The following FBRS variants were observed in gnomAD, a reference collection of about 807,000 sequenced individuals.
FBRS encodes the protein fibrosin, also known as probable fibrosin-1.
Under a neutral mutation model 86.1 loss-of-function variants are expected in FBRS, and 15 were observed. The observed-to-expected ratio is 0.17, with a 90% CI of 0.12 to 0.27. The LOEUF is 0.27. FBRS is among the 10% of genes least tolerant of loss of function. FBRS has a pLI of 1.00. For synonymous variants in FBRS, 666 were observed against 575.8 expected, an observed-to-expected ratio of 1.16 and a Z score of -2.24; for missense variants, 1,367 against 1,301.6, an observed-to-expected ratio of 1.05 and a Z score of -0.77.
Position 30,664,031 on chromosome 16 carries a change from G to T in FBRS, c.1056-184G>T, listed in dbSNP as rs563497798. Among the ~76,000 whole-genome samples the T allele has an allele frequency of 1.3e-4, 20 of 152,290 alleles. No homozygotes were observed. The East Asian group carries it at 3.9e-3, about 29-fold the overall frequency. On this transcript the variant is annotated intron_variant, in intron 6 of 17. Coordinates refer to ENST00000356166, the MANE Select transcript of FBRS (RefSeq NM_001105079.3). ...ACCTAGACAGGGAGAAATAGGGGTT[G>T]CTGGGTGTGGGAGGCGCCTCAGTCT... is the stretch of plus-strand genomic sequence containing the variant.
Position 30,669,166 on chromosome 16 carries a change from C to T in FBRS, c.2464C>T (p.Arg822Trp), listed in dbSNP as rs1249010859. The change falls in exon 18 of 18, where the codon CGG becomes TGG. Residue 822 changes from arginine (R) to tryptophan (W), a missense_variant. Arg to Trp is a moderately radical substitution (Grantham distance 101). Transcript: ENST00000356166. The surrounding 1 kb of genome is among the most constrained non-coding windows in gnomAD (Gnocchi z 5.9). ...GCCTCGGCCAACCAAGGAATCTGTG[C>T]GGGTAAAGGAAGAGCGGAAGGAGGA... ...EGPRPTKESV[R>W]VKEERKEEAA... 3 of 1,556,868 alleles carry T rather than the reference C, an allele frequency of 1.9e-6. No homozygotes were observed. The highest frequency in any genetic ancestry group is 1.9e-5 in the Admixed American group (1 of 51,558).
chr16:30,662,507 A>G (rs2052473313), intron 5 of FBRS, 39 bp downstream of exon 5: 3 of 1,550,448 alleles, frequency 1.9e-6, no homozygotes, highest in South Asian at 2.4e-5. Context: ...ACGGGAGGGC[A>G]GTGGGGTGAG....
Position 30,669,189 on chromosome 16 carries a change from G to A in FBRS, c.2487G>A (p.Glu829=). The A allele has an allele frequency of 5.2e-6, 8 of 1,549,810 alleles. No homozygotes were observed. The highest frequency in any genetic ancestry group is 7.0e-6 in the Non-Finnish European group (8 of 1,146,866). Residue 829 remains glutamate (E), a synonymous_variant, in exon 18 of 18, where the codon GAG becomes GAA. Coordinates refer to ENST00000356166, the MANE Select transcript of FBRS (RefSeq NM_001105079.3). The surrounding 1 kb of genome is among the most constrained non-coding windows in gnomAD (Gnocchi z 5.9). ...TGCGGGTAAAGGAAGAGCGGAAGGA[G>A]GAGGCTGCCGCCGCCGCTGCCGCTG... ...ESVRVKEERK[E]EAAAAAAAAA...
intron 12 of FBRS, 48 bp from the exon 13 acceptor site, chr16:30,666,871 A>G (rs1431528985): frequency 6.3e-7 from 1 of 1,581,144 alleles, no homozygotes; most frequent in South Asian, 1.1e-5. Flanking sequence ...ATGATGAGTG[A>G]ACGTTCTTTC....
At chr16:30,660,030 A>G in intron 1 of FBRS, 53 bp downstream of exon 1, 1 of 1,530,208 alleles carries the variant, frequency 6.5e-7, no homozygotes, top group South Asian at 1.2e-5. Flanking sequence ...GGCAGCAAGG[A>G]GGGGGCAGTG....
chr16:30,669,231 T>TGCCGCCGCC lies in FBRS; in HGVS notation c.2532_2540dup (p.Ala847_Ala849dup), dbSNP rs771062025. 8 of 1,545,646 alleles carry TGCCGCCGCC rather than the reference T, an allele frequency of 5.2e-6. No homozygotes were observed. Among genetic ancestry groups the TGCCGCCGCC allele is most frequent in the African/African-American group, 2.8e-5 (2 of 72,722 alleles). On this transcript the variant is annotated inframe_insertion, in exon 18 of 18. Transcript: ENST00000356166. This position sits in a 1 kb window ranked among gnomAD's most constrained non-coding sequence, Gnocchi z 5.9. Reference sequence around the variant, plus strand: ...CTGCCGCTGCTGCTGCCGCCGCCGCTGCCGCCGCCGCAGCAGCCACTGGGC... The same window carrying TGCCGCCGCC: ...CTGCCGCTGCTGCTGCCGCCGCCGCTGCCGCCGCCGCCGCCGCCGCAGCAGCCACTGGGC...
chr16:30,662,827 A>T lies in FBRS; in HGVS notation c.1023A>T (p.Pro341=). Residue 341 remains proline, a synonymous_variant, in exon 6 of 18, where the codon CCA becomes CCT. Transcript: ENST00000356166. ...CACCCTTCGGCCTCCGCACTTCTCCATATGGCAGCAGCCTGGACCTCAGCA... is the reference window on the plus strand; with the variant it reads ...CACCCTTCGGCCTCCGCACTTCTCCTTATGGCAGCAGCCTGGACCTCAGCA... ...RVSPFGLRTS[P]YGSSLDLSTG... The T allele has an allele frequency of 6.8e-7, 1 of 1,463,242 alleles. No homozygotes were observed. The highest frequency in any genetic ancestry group is 9.1e-7 in the Non-Finnish European group (1 of 1,102,556). The allele number at this position is 1,463,242 out of a possible 1,614,324, so 90.6% of individuals were successfully genotyped here. A position where few individuals can be genotyped will look rare whatever the true frequency, so the allele number is the denominator to read the frequency against.
intron 2 of FBRS, 49 bp from the exon 3 acceptor site, chr16:30,661,131 G>A: frequency 1.3e-6 from 2 of 1,549,646 alleles, no homozygotes; most frequent in Non-Finnish European, 1.7e-6. Context: ...GACTTTCCCA[G>A]CTGCCTCAGC....
Position 30,662,767 on chromosome 16 carries a change from A to G in FBRS, c.963A>G (p.Pro321=). The change falls in exon 6 of 18, where the codon CCA becomes CCG. Residue 321 remains proline (P), a synonymous_variant. Transcript: ENST00000356166. The stretch of plus-strand genomic sequence containing the variant: ...CCCTGCCGGCCACTCCCAGTCTGCC[A>G]CCCCCACCCCAGCCCCAGCTGCAGC... ...PAPLPATPSL[P]PPPQPQLQLR... 1 of 1,510,692 alleles carries G rather than the reference A, an allele frequency of 6.6e-7. No homozygotes were observed. The highest frequency in any genetic ancestry group is 8.9e-7 in the Non-Finnish European group (1 of 1,124,138). 93.6% of individuals were successfully genotyped at this position (1,510,692 alleles called of 1,614,324 possible). A position where few individuals can be genotyped will look rare whatever the true frequency, so the allele number is the denominator to read the frequency against.
At chr16:30,660,641 CTG>C in intron 2 of FBRS, 199 bp downstream of exon 2, 1 of 849,950 alleles carries the variant, frequency 1.2e-6, no homozygotes, top group South Asian at 5.0e-5. Context: ...TTGCCTGGTT[CTG>C]TGTCTACTTC....
At chr16:30,666,637 C>T (rs374938573) in intron 12 of FBRS, 96 bp downstream of exon 12, 1 of 1,580,200 alleles carries the variant, frequency 6.3e-7, no homozygotes, top group Non-Finnish European at 8.7e-7. Context: ...GTGAGAAGCC[C>T]AGAACATGGA....
In FBRS at chr16:30,669,198, CGCCGCCGCT is replaced by C. The variant is rs1939473469; in HGVS notation, c.2502_2510del (p.Ala847_Ala849del). 4 of 1,545,524 alleles carry C rather than the reference CGCCGCCGCT, an allele frequency of 2.6e-6. No individual in the cohort carries two copies. Among genetic ancestry groups the C allele is most frequent in the Non-Finnish European group, 3.5e-6 (4 of 1,144,198 alleles). On this transcript the variant is annotated inframe_deletion, in exon 18 of 18. Coordinates refer to ENST00000356166, the MANE Select transcript of FBRS (RefSeq NM_001105079.3). This position sits in a 1 kb window ranked among gnomAD's most constrained non-coding sequence, Gnocchi z 5.9. ...AGGAAGAGCGGAAGGAGGAGGCTGC[CGCCGCCGCT>C]GCCGCTGCTGCTGCCGCCGCCGCTG...
intron 8 of FBRS, 48 bp downstream of exon 8, chr16:30,664,968 G>A (rs1485963332): frequency 6.2e-7 from 1 of 1,609,390 alleles, no homozygotes; most frequent in African/African-American, 1.3e-5. Context: ...CCTCTGGGGA[G>A]GGCATGGCTT....
intron 15 of FBRS, chr16:30,667,939 G>A (rs1002989216): frequency 3.0e-6 from 1 of 332,810 alleles, no homozygotes; most frequent in Non-Finnish European, 5.4e-6. Flanking sequence ...TGACTCCTAG[G>A]ATCTTGGCAG....
At position 30,668,781 on chromosome 16, in the gene FBRS, C is replaced by T; in HGVS notation, c.2168C>T (p.Ala723Val). 6.2e-7 allele frequency: 1 copy of T among 1,600,074 alleles called. No homozygotes were observed. Among genetic ancestry groups the T allele is most frequent in the Middle Eastern group, 1.7e-4 (1 of 6,044 alleles). Reference sequence around the variant, plus strand: ...TTCACCCTCTGCCCAGACTCCGGCGCCGTCTTTGCCCAGAAAGAAAGCCCA... The same window carrying T: ...TTCACCCTCTGCCCAGACTCCGGCGTCGTCTTTGCCCAGAAAGAAAGCCCA... ...GLGSPTFNSGAVFAQKESPGA... is the reference protein window; with the variant it reads ...GLGSPTFNSGVVFAQKESPGA... The change falls in exon 17 of 18, where the codon GCC (alanine) becomes GTC (valine). Residue 723 changes from alanine to valine, a missense_variant. Coordinates refer to ENST00000356166, the MANE Select transcript of FBRS (RefSeq NM_001105079.3).
At position 30,670,306 on chromosome 16, in the gene FBRS, CAG is replaced by C. The variant is rs1420020137; in HGVS notation, c.*662_*663del. ...GGTGGGGCCAGCAGGAGATGACCAA[CAG>C]GGGGCAGGACCTGGGGACCTGGGCT... On this transcript the variant is annotated 3_prime_UTR_variant, in exon 18 of 18. Transcript: ENST00000356166. The C allele has an allele frequency of 2.6e-5, 11 of 425,608 alleles. No homozygotes were observed. The highest frequency in any genetic ancestry group is 5.2e-5 in the Admixed American group (2 of 38,116). 26.4% of individuals were successfully genotyped at this position (425,608 alleles called of 1,614,324 possible).
At chr16:30,667,129 C>A in intron 13 of FBRS, 139 bp downstream of exon 13, 3 of 1,014,340 alleles carry the variant, frequency 3.0e-6, no homozygotes. Context: ...CTGAACAGTT[C>A]TATGGCTGGC....
rs1357587643 is a variant in FBRS, at chr16:30,670,735, G to C, written c.*1090G>C. 1 of 155,142 alleles carries C rather than the reference G, an allele frequency of 6.4e-6. No homozygotes were observed. The highest frequency in any genetic ancestry group is 1.4e-5 in the Non-Finnish European group (1 of 68,996). 9.6% of individuals were successfully genotyped at this position (155,142 alleles called of 1,614,324 possible). A position where few individuals can be genotyped will look rare whatever the true frequency, so the allele number is the denominator to read the frequency against. The stretch of plus-strand genomic sequence containing the variant: ...GTCAATCTAACAAAACCCTAACGTT[G>C]ACTTTTTTCCCTGGTGGGGCTTCTT... On this transcript the variant is annotated 3_prime_UTR_variant, in exon 18 of 18. Coordinates refer to ENST00000356166, the MANE Select transcript of FBRS (RefSeq NM_001105079.3).
rs866498694 is a variant in FBRS at position 30,662,982 on chromosome 16, A to G, written c.1055+123A>G. On this transcript the variant is annotated intron_variant, in intron 6 of 17. Transcript: ENST00000356166. ...ATTCTGAGACTGAAAAGTTTGAGAA[A>G]AACAAATGGAAAGAGATGACTGCAG... 12 of 1,324,536 alleles carry G rather than the reference A, an allele frequency of 9.1e-6. 1 individual carries two copies. The highest frequency in any genetic ancestry group is 4.0e-4 in the Middle Eastern group (2 of 4,980). The allele number at this position is 1,324,536 out of a possible 1,614,324, so 82.0% of individuals were successfully genotyped here.
Sources: allele counts gnomAD v4.1 joint callset (sites outside exome capture counted in the v4.1 genomes callset), GRCh38; gene constraint gnomAD v4.1.1; non-coding constraint Gnocchi (gnomAD v3.1); transcripts MANE v1.5; gene names NCBI Gene and HGNC (gene_info 2026-07-23, HGNC 2026-07-21).